The following LSG1 variants were observed in gnomAD, a reference collection of about 807,000 sequenced individuals.
LSG1 encodes large subunit GTPase 1 homolog.
LSG1 carries 55 observed loss-of-function variants against 82.6 expected under a neutral mutation model. The ratio of observed to expected loss-of-function variants is 0.67; its 90% CI spans 0.54 to 0.83. The LOEUF (loss-of-function observed/expected upper bound fraction) is 0.83. Ranked by LOEUF, LSG1 falls within the 40% of genes least tolerant of loss-of-function variation. The pLI is 0.00. For missense variants in LSG1, 809 were observed against 807.9 expected (o/e 1.00, Z -0.02); for synonymous variants, 272 against 282.5 (o/e 0.96, Z 0.37).
Position 194,659,042 on chromosome 3 carries a change from C to T in LSG1, c.674G>A (p.Trp225Ter). The T allele has an allele frequency of 6.2e-7, 1 of 1,614,170 alleles. No individual in the cohort carries two copies. The highest frequency in any genetic ancestry group is 8.5e-7 in the Non-Finnish European group (1 of 1,180,018). Residue 225 changes from tryptophan to a stop codon, truncating the protein, a stop_gained, in exon 7 of 14, where the codon TGG becomes TAG. Coordinates refer to ENST00000265245, the MANE Select transcript of LSG1 (RefSeq NM_018385.3). LOFTEE classifies it high-confidence loss of function. ...DLLTAEQRSA[W>*]AMYFEKEDVK... ...ATCTTCTTTTTCGAAGTACATGGCCCAGGCACTCCGCTGCTCAGCAGTCAG... is the reference window on the plus strand; with the variant it reads ...ATCTTCTTTTTCGAAGTACATGGCCTAGGCACTCCGCTGCTCAGCAGTCAG...
chr3:194,671,820 A>C, intron 1 of LSG1: 1 of 544,234 alleles, frequency 1.8e-6, no homozygotes, highest in Non-Finnish European at 3.2e-6. Flanking sequence ...GGCATTGAAG[A>C]CTCTTCAGAT....
intron 2 of LSG1, 30 bp downstream of exon 2, chr3:194,669,979 C>T (rs763638841): frequency 1.3e-6 from 2 of 1,595,184 alleles, no homozygotes; most frequent in Non-Finnish European, 1.7e-6. Context: ...ATGTGACAGT[C>T]TCACCTGCAC....
intron 11 of LSG1, among the ~76,000 whole-genome samples, chr3:194,647,649 A>C (rs2108615775): frequency 6.6e-6 from 1 of 152,256 alleles, no homozygotes; most frequent in Middle Eastern, 3.4e-3. Flanking sequence ...GACTCACATT[A>C]TTTTCAGTTG....
In LSG1 at chr3:194,653,082, C is replaced by T. The variant is rs1398231738; in HGVS notation, c.820G>A (p.Asp274Asn). 24 of 1,614,026 alleles carry T rather than the reference C, an allele frequency of 1.5e-5. No individual in the cohort carries two copies. The highest frequency in any genetic ancestry group is 2.7e-5 in the African/African-American group (2 of 74,910). Residue 274 changes from aspartate to asparagine, a missense_variant, in exon 8 of 14, where the codon GAC becomes AAC. Asp to Asn is a conservative substitution (Grantham distance 23). Transcript: ENST00000265245. ...NTTKFGHSSF[D>N]QAEISHSESE... is the part of the protein sequence containing the mutation. ...TCACTGTGGGAAATTTCAGCCTGGT[C>T]GAAACTGGAATGTCCAAACTTGGTT...
At chr3:194,646,770 T>C (rs113638751) in intron 11 of LSG1, among the ~76,000 whole-genome samples, 6,879 of 152,226 alleles carry the variant, frequency 0.045, 524 homozygotes, top group African/African-American at 0.16. Flanking sequence ...ATCCACCCAC[T>C]TCGGCCTCCC....
chr3:194,660,822 T>C (rs561932012), intron 5 of LSG1: 7 of 456,294 alleles, frequency 1.5e-5, no homozygotes, highest in African/African-American at 1.0e-4. Flanking sequence ...AAGATAACTT[T>C]CTGCAGCTGG....
chr3:194,658,919 C>CA, intron 7 of LSG1, 38 bp downstream of exon 7: 1 of 1,552,804 alleles, frequency 6.4e-7, no homozygotes, highest in South Asian at 1.2e-5. Context: ...ATCAAAATTC[C>CA]CTCTTTGAAA....
chr3:194,646,288 T>C (rs768418761), intron 11 of LSG1, 45 bp from the exon 12 acceptor site: 1 of 1,491,840 alleles, frequency 6.7e-7, no homozygotes, highest in South Asian at 1.1e-5. Context: ...TGACAGAATA[T>C]CACAACAAAG....
At chr3:194,644,852 G>C (rs1718487163) in intron 12 of LSG1, 106 bp from the exon 13 acceptor site, 1 of 875,718 alleles carries the variant, frequency 1.1e-6, no homozygotes, top group Non-Finnish European at 1.6e-6. Flanking sequence ...CTGCCTTCTG[G>C]TTAAGTTAGC....
chr3:194,670,223 T>C (rs1159851301), intron 1 of LSG1, 88 bp from the exon 2 acceptor site: 1 of 1,436,602 alleles, frequency 7.0e-7, no homozygotes, highest in Non-Finnish European at 9.7e-7. Flanking sequence ...AACTAGTCTA[T>C]GGTCTTGAGG....
At chr3:194,642,462 T>C (rs1489356687) in intron 13 of LSG1, among the ~76,000 whole-genome samples, 1 of 151,270 alleles carries the variant, frequency 6.6e-6, no homozygotes, top group South Asian at 2.1e-4. Flanking sequence ...CTTTGTTTAG[T>C]CCCATACTTT....
intron 8 of LSG1, among the ~76,000 whole-genome samples, chr3:194,652,019 G>C (rs79255109): frequency 0.034 from 5,107 of 152,224 alleles, 177 homozygotes; most frequent in African/African-American, 0.087. Flanking sequence ...AAACTAACTA[G>C]GATTAGCTAC....
At position 194,666,393 on chromosome 3, in the gene LSG1, A is replaced by G. The variant is rs1719030302; in HGVS notation, c.347+59T>C. The stretch of plus-strand genomic sequence containing the variant: ...AGCTGAGAAAAAGAAGCAATTTAAA[A>G]AATGAATACTCAGCAGCCTCGGATG... On this transcript the variant is annotated intron_variant, in intron 3 of 13. Transcript: ENST00000265245. 4.4e-6 allele frequency: 7 copies of G among 1,603,690 alleles called. No homozygotes were observed. In the Admixed American group the frequency reaches 1.2e-4, roughly 28 times the overall value.
At position 194,648,049 on chromosome 3, in the gene LSG1, C is replaced by T. The variant is rs200949100; in HGVS notation, c.1543+632G>A. On this transcript the variant is annotated intron_variant, in intron 11 of 13. Coordinates refer to ENST00000265245, the MANE Select transcript of LSG1 (RefSeq NM_018385.3). Reference sequence around the variant, plus strand: ...AATCCCTGTAAAGGCAAGTCACCCACGCACGGAAATGTTTCCCACACTGCT... The same window carrying T: ...AATCCCTGTAAAGGCAAGTCACCCATGCACGGAAATGTTTCCCACACTGCT... Among the ~76,000 whole-genome samples the T allele has an allele frequency of 1.4e-4, 21 of 151,534 alleles. No homozygotes were observed. The East Asian group carries it at 1.5e-3, about 11-fold the overall frequency.
chr3:194,666,445 A>G lies in LSG1; in HGVS notation c.347+7T>C, dbSNP rs768932323. 7 of 1,610,910 alleles carry G rather than the reference A, an allele frequency of 4.3e-6. No homozygotes were observed. The highest frequency in any genetic ancestry group is 4.0e-5 in the African/African-American group (3 of 74,618). Reference sequence around the variant, plus strand: ...TTTGTGGCATTCTAAATTCTTCTTCAGCTCACCTCCTCGGTATACACAAGA... The same window carrying G: ...TTTGTGGCATTCTAAATTCTTCTTCGGCTCACCTCCTCGGTATACACAAGA... On this transcript the variant is annotated splice_region_variant and intron_variant, in intron 3 of 13. Transcript: ENST00000265245.
intron 13 of LSG1, 121 bp downstream of exon 13, chr3:194,644,452 T>G: frequency 2.5e-6 from 1 of 403,932 alleles, no homozygotes; most frequent in Non-Finnish European, 4.2e-6. Flanking sequence ...TATTAAACCC[T>G]TTTTGGAATT....
intron 12 of LSG1, chr3:194,645,537 C>CAGACACACACACACACAGACAG: frequency 3.7e-5 from 1 of 27,278 alleles, no homozygotes; most frequent in East Asian, 1.1e-3. Flanking sequence ...CACAGACAGA[C>CAGACACACACACACACAGACAG]ACACACACAC....
intron 6 of LSG1, 42 bp from the exon 7 acceptor site, chr3:194,659,175 G>A: frequency 6.9e-7 from 1 of 1,459,078 alleles, no homozygotes; most frequent in East Asian, 2.5e-5. Flanking sequence ...CTTCAAACAA[G>A]TAAAAAAATG....
chr3:194,647,352 C>G (rs1228085347), intron 11 of LSG1, among the ~76,000 whole-genome samples: 5 of 152,078 alleles, frequency 3.3e-5, no homozygotes, highest in African/African-American at 7.2e-5. Context: ...AGAACTTTTA[C>G]AAATCATTAA....
Sources: allele counts gnomAD v4.1 joint callset (sites outside exome capture counted in the v4.1 genomes callset), GRCh38; gene constraint gnomAD v4.1.1; transcripts MANE v1.5; gene names NCBI Gene and HGNC (gene_info 2026-07-23, HGNC 2026-07-21).